Variants in TG observed in about 807,000 individuals in gnomAD.
The protein encoded by TG is thyroid hormones.
A neutral mutation model predicts 324.7 loss-of-function variants in TG; 270 were observed. The ratio of observed to expected loss-of-function variants is 0.83; its 90% CI spans 0.75 to 0.92. The LOEUF (loss-of-function observed/expected upper bound fraction) is 0.92. Among genes scored for constraint, TG ranks in the 40% least tolerant of loss-of-function variants. The pLI, the probability that TG is intolerant of heterozygous loss-of-function variation, is 0.00. For missense variants in TG, 3,591 were observed against 3,456.4 expected (o/e 1.04, Z -0.98); for synonymous variants, 1,401 against 1,327.0 (o/e 1.06, Z -1.21).
chr8:133,009,972 A>T (rs1834359950), intron 35 of TG, among the ~76,000 whole-genome samples: 1 of 152,118 alleles, frequency 6.6e-6, no homozygotes, highest in Admixed American at 6.6e-5. Context: ...ATTTTAGTGA[A>T]CTCTCCACCA....
chr8:133,031,415 C>G (rs1836629120), intron 41 of TG, among the ~76,000 whole-genome samples: 1 of 152,158 alleles, frequency 6.6e-6, no homozygotes, highest in Non-Finnish European at 1.5e-5. Context: ...AACAGTGCTG[C>G]TGTGAACATG....
chr8:132,972,425 T>C, intron 33 of TG, 173 bp from the exon 34 acceptor site: 1 of 711,758 alleles, frequency 1.4e-6, no homozygotes, highest in Non-Finnish European at 2.3e-6. Context: ...AGAGGCTCCT[T>C]GAGTTCAGGT....
At chr8:133,010,022 T>C (rs1158708453) in intron 35 of TG, among the ~76,000 whole-genome samples, 1 of 152,220 alleles carries the variant, frequency 6.6e-6, no homozygotes, top group African/African-American at 2.4e-5. Context: ...ATAAAAATTA[T>C]AAACTTCCCT....
intron 41 of TG, among the ~76,000 whole-genome samples, chr8:133,039,825 C>A (rs1375226195): frequency 6.6e-6 from 1 of 152,094 alleles, no homozygotes; most frequent in African/African-American, 2.4e-5. Flanking sequence ...CCCAGGGATT[C>A]CCTTGGTCTA....
At chr8:132,991,816 G>A (rs1832375074) in intron 35 of TG, among the ~76,000 whole-genome samples, 1 of 152,128 alleles carries the variant, frequency 6.6e-6, no homozygotes. Context: ...GTGTGAGGCT[G>A]AGTATGGTCT....
At chr8:133,112,070 G>A (rs1479561447) in intron 43 of TG, among the ~76,000 whole-genome samples, 5 of 151,634 alleles carry the variant, frequency 3.3e-5, no homozygotes, top group Admixed American at 2.6e-4. Context: ...AAGAGTGGCT[G>A]TGTTCACCCA....
chr8:132,882,971 CCG>C lies in TG; in HGVS notation c.1048_1049del (p.Arg350AlafsTer10). On this transcript the variant is annotated frameshift_variant, in exon 8 of 48. Coordinates refer to ENST00000220616, the MANE Select transcript of TG (RefSeq NM_003235.5). LOFTEE classifies it high-confidence loss of function. Reference protein sequence around the residue: ...DAQGKEMHGTRQQGEPPSCAE... With the variant: ...DAQGKEMHGTXQQGEPPSCAE... ...CCCAGGGGAAGGAAATGCATGGAAC[CCG>C]GCAGCAAGGGGAGCCGCCATCTTGT... is the stretch of plus-strand genomic sequence containing the variant. 1 of 1,614,032 alleles carries C rather than the reference CCG, an allele frequency of 6.2e-7. No individual in the cohort carries two copies. Among genetic ancestry groups the C allele is most frequent in the Non-Finnish European group, 8.5e-7 (1 of 1,179,968 alleles).
intron 35 of TG, among the ~76,000 whole-genome samples, chr8:133,000,647 C>T (rs1587728042): frequency 1.3e-5 from 2 of 152,298 alleles, no homozygotes; most frequent in East Asian, 1.9e-4. Context: ...ACACGGAGCA[C>T]ATCACATTAT....
rs560894099 is a variant in TG, at chr8:132,968,629, G to A, written c.5863+659G>A. 4.5e-4 allele frequency among the ~76,000 whole-genome samples: 69 copies of A among 152,304 alleles called. 1 individual carries two copies. The highest frequency in any genetic ancestry group is 1.6e-3 in the African/African-American group (67 of 41,556). Reference sequence around the variant, plus strand: ...ATTTTTCCACTCGAATGTCAAAGGGGTCCACAAGCTGACTGGGCAGCCCCA... The same window carrying A: ...ATTTTTCCACTCGAATGTCAAAGGGATCCACAAGCTGACTGGGCAGCCCCA... On this transcript the variant is annotated intron_variant, in intron 31 of 47. Transcript: ENST00000220616.
At chr8:132,955,168 C>T (rs1051605187) in intron 27 of TG, among the ~76,000 whole-genome samples, 1 of 152,152 alleles carries the variant, frequency 6.6e-6, no homozygotes, top group East Asian at 1.9e-4. Context: ...TCATAATGGT[C>T]ATCTTTGGTG....
At position 133,116,682 on chromosome 8, in the gene TG, A is replaced by G; in HGVS notation, c.7828A>G (p.Met2610Val). ...AAAGAGGGCCCGAGGAAACGTCTTC[A>G]TGTACCATGCTCCTGAAAACTACGG... is the stretch of plus-strand genomic sequence containing the variant. ...WAKRARGNVF[M>V]YHAPENYGHG... The change falls in exon 45 of 48, where the codon ATG becomes GTG. Residue 2610 changes from methionine (M) to valine (V), a missense_variant. Physicochemically the swap from Met to Val is conservative, Grantham distance 21 (BLOSUM62 1). Coordinates refer to ENST00000220616, the MANE Select transcript of TG (RefSeq NM_003235.5). 2 of 1,614,250 alleles carry G rather than the reference A, an allele frequency of 1.2e-6. No homozygotes were observed. The highest frequency in any genetic ancestry group is 1.7e-5 in the Admixed American group (1 of 60,036).
At chr8:133,087,168 TTTGA>T (rs966412651) in intron 41 of TG, among the ~76,000 whole-genome samples, 3 of 151,950 alleles carry the variant, frequency 2.0e-5, no homozygotes, top group African/African-American at 7.3e-5. Flanking sequence ...AGTGGTTTTC[TTTGA>T]TTGGGAGGAT....
intron 29 of TG, chr8:132,964,950 G>T: frequency 1.4e-6 from 1 of 702,262 alleles, no homozygotes; most frequent in South Asian, 1.5e-5. Context: ...CTGAGAAAAG[G>T]TGTTCCAGGT....
chr8:132,891,161 G>A (rs1816185744), intron 10 of TG, among the ~76,000 whole-genome samples: 1 of 152,162 alleles, frequency 6.6e-6, no homozygotes, highest in African/African-American at 2.4e-5. Flanking sequence ...CAACTACTGG[G>A]ATGATTCTTG....
At chr8:132,867,187 G>T in intron 1 of TG, 120 bp downstream of exon 1, 1 of 904,710 alleles carries the variant, frequency 1.1e-6, no homozygotes, top group Non-Finnish European at 1.7e-6. Flanking sequence ...CCACATGTCA[G>T]TGATTTGCTT....
intron 8 of TG, among the ~76,000 whole-genome samples, chr8:132,884,664 T>G (rs1263246509): frequency 6.6e-6 from 1 of 152,222 alleles, no homozygotes; most frequent in Non-Finnish European, 1.5e-5. Flanking sequence ...ACCTAGAGAA[T>G]GTTATGCCAT....
chr8:132,970,590 T>C (rs1829363794), intron 32 of TG, among the ~76,000 whole-genome samples: 1 of 152,178 alleles, frequency 6.6e-6, no homozygotes, highest in Non-Finnish European at 1.5e-5. Context: ...GCTTAAGATC[T>C]ACTTTTGAAA....
At chr8:133,104,084 T>C (rs556416365) in intron 43 of TG, among the ~76,000 whole-genome samples, 3 of 152,060 alleles carry the variant, frequency 2.0e-5, no homozygotes, top group Middle Eastern at 3.4e-3. Flanking sequence ...GCGATGGGGA[T>C]TGAGGTACAG....
intron 41 of TG, among the ~76,000 whole-genome samples, chr8:133,092,143 G>T (rs1372916805): frequency 6.6e-6 from 1 of 152,080 alleles, no homozygotes; most frequent in Non-Finnish European, 1.5e-5. Context: ...TAACTCCCAG[G>T]ATCCTCTGAG....
Sources: allele counts gnomAD v4.1 joint callset (sites outside exome capture counted in the v4.1 genomes callset), GRCh38; gene constraint gnomAD v4.1.1; transcripts MANE v1.5; gene names NCBI Gene and HGNC (gene_info 2026-07-23, HGNC 2026-07-21).